SGMS1: variants seen among roughly 807,000 people sequenced by gnomAD.
The protein encoded by SGMS1 is phosphatidylcholine:ceramide cholinephosphotransferase 1.
Under a neutral mutation model 46.2 loss-of-function variants are expected in SGMS1, and 13 were observed. The ratio of observed to expected loss-of-function variants is 0.28; its 90% CI spans 0.18 to 0.45. The LOEUF (loss-of-function observed/expected upper bound fraction) is 0.45. Ranked by LOEUF, SGMS1 falls within the 20% of genes least tolerant of loss-of-function variation. The pLI is 1.00. For synonymous variants in SGMS1, 203 were observed against 187.8 expected, an observed-to-expected ratio of 1.08 and a Z score of -0.66; for missense variants, 324 against 519.9, an observed-to-expected ratio of 0.62 and a Z score of 3.66.
Position 50,516,739 on chromosome 10 carries a change from C to A in SGMS1, c.-498+3092G>T, listed in dbSNP as rs1218987115. 4.6e-5 allele frequency among the ~76,000 whole-genome samples: 7 copies of A among 152,232 alleles called. No individual in the cohort carries two copies. The East Asian group carries it at 1.4e-3, about 29-fold the overall frequency. Reference sequence around the variant, plus strand: ...TTAGAGACAACTGATTTTTAAAAATCATTTGAGCATTCCTAATTCAGGAAT... The same window carrying A: ...TTAGAGACAACTGATTTTTAAAAATAATTTGAGCATTCCTAATTCAGGAAT... On this transcript the variant is annotated intron_variant, in intron 3 of 10. Transcript: ENST00000361781.
At chr10:50,554,807 C>A (rs184020473) in intron 2 of SGMS1, among the ~76,000 whole-genome samples, 48 of 152,330 alleles carry the variant, frequency 3.2e-4, no homozygotes, top group African/African-American at 1.1e-3. Context: ...ACTATGTATT[C>A]TTTTTCTAGA....
At chr10:50,622,919 G>T (rs1838867643) in intron 1 of SGMS1, among the ~76,000 whole-genome samples, 2 of 152,352 alleles carry the variant, frequency 1.3e-5, no homozygotes, top group South Asian at 4.1e-4. Context: ...CCCTTGACAC[G>T]TCGCTGGGGG....
Position 50,552,267 on chromosome 10 carries a change from A to G in SGMS1, c.-588-32346T>C, listed in dbSNP as rs539621956. Among the ~76,000 whole-genome samples, 4 of 152,372 alleles carry G rather than the reference A, an allele frequency of 2.6e-5. No individual in the cohort carries two copies. The South Asian group carries it at 8.3e-4, about 32-fold the overall frequency. On this transcript the variant is annotated intron_variant, in intron 2 of 10. Coordinates refer to ENST00000361781, the MANE Select transcript of SGMS1 (RefSeq NM_147156.4). ...TCCAAGCATGTTTAAGATATTAAGTAACAAAAAGTCAGTTAAAACACACTC... is the reference window on the plus strand; with the variant it reads ...TCCAAGCATGTTTAAGATATTAAGTGACAAAAAGTCAGTTAAAACACACTC...
chr10:50,329,618 T>C (rs1207046598), intron 7 of SGMS1, among the ~76,000 whole-genome samples: 1 of 152,246 alleles, frequency 6.6e-6, no homozygotes, highest in Non-Finnish European at 1.5e-5. Context: ...AAGAATTTCA[T>C]ACACTTAGAA....
At chr10:50,370,678 T>A (rs1848421441) in intron 6 of SGMS1, among the ~76,000 whole-genome samples, 1 of 151,652 alleles carries the variant, frequency 6.6e-6, no homozygotes, top group African/African-American at 2.4e-5. Context: ...GAGGCAACGT[T>A]TGCAGTGAGC....
intron 3 of SGMS1, among the ~76,000 whole-genome samples, chr10:50,478,517 A>G (rs1837448356): frequency 6.6e-6 from 1 of 152,202 alleles, no homozygotes; most frequent in Non-Finnish European, 1.5e-5. Flanking sequence ...CAAAAAAAAT[A>G]GAGCCAAATG....
chr10:50,609,815 G>A (rs192865774), intron 1 of SGMS1, among the ~76,000 whole-genome samples: 2 of 152,102 alleles, frequency 1.3e-5, no homozygotes, highest in African/African-American at 2.4e-5. Flanking sequence ...ACTCTTCAAA[G>A]CTACCCTCTA....
chr10:50,348,830 T>C (rs1847958717), intron 6 of SGMS1, among the ~76,000 whole-genome samples: 2 of 152,192 alleles, frequency 1.3e-5, no homozygotes, highest in African/African-American at 4.8e-5. Context: ...AAATTTCATA[T>C]GGAACCAAAG....
At chr10:50,562,353 T>TGC (rs201882996) in intron 2 of SGMS1, among the ~76,000 whole-genome samples, 24,295 of 114,434 alleles carry the variant, frequency 0.21, 2,543 homozygotes, top group Non-Finnish European at 0.29. Flanking sequence ...TGTGTGTGTG[T>TGC]GTGCGCGCGC....
At chr10:50,311,525 A>C in intron 8 of SGMS1, 110 bp from the exon 9 acceptor site, 1 of 1,003,230 alleles carries the variant, frequency 1.0e-6, no homozygotes, top group Non-Finnish European at 1.3e-6. Flanking sequence ...AGAAACATAA[A>C]ATCCCCACCA....
chr10:50,371,790 T>C (rs1848439715), intron 6 of SGMS1, among the ~76,000 whole-genome samples: 1 of 152,204 alleles, frequency 6.6e-6, no homozygotes, highest in Non-Finnish European at 1.5e-5. Flanking sequence ...CTCAAGGGAC[T>C]GGCATCTAGT....
chr10:50,321,640 A>G (rs527746032), intron 8 of SGMS1, among the ~76,000 whole-genome samples: 113 of 152,366 alleles, frequency 7.4e-4, no homozygotes, highest in African/African-American at 2.5e-3. Flanking sequence ...TCAAGCATTG[A>G]CAATTTAAGT....
intron 5 of SGMS1, among the ~76,000 whole-genome samples, chr10:50,434,153 C>A (rs1171564260): frequency 1.3e-5 from 2 of 152,192 alleles, no homozygotes; most frequent in African/African-American, 4.8e-5. Flanking sequence ...TAAAATATGG[C>A]CAGCAAAGGG....
intron 6 of SGMS1, among the ~76,000 whole-genome samples, chr10:50,387,259 T>TA (rs1247154851): frequency 1.3e-5 from 2 of 152,200 alleles, no homozygotes; most frequent in Non-Finnish European, 2.9e-5. Flanking sequence ...GGCAAAGTTA[T>TA]AAAAGCATTC....
At chr10:50,405,607 A>G (rs533787897) in intron 6 of SGMS1, among the ~76,000 whole-genome samples, 10 of 152,354 alleles carry the variant, frequency 6.6e-5, no homozygotes, top group Admixed American at 3.3e-4. Flanking sequence ...CATGAAAAGC[A>G]GTAAAGAAAC....
At chr10:50,514,752 G>A (rs1837787500) in intron 3 of SGMS1, among the ~76,000 whole-genome samples, 1 of 152,196 alleles carries the variant, frequency 6.6e-6, no homozygotes, top group African/African-American at 2.4e-5. Flanking sequence ...CATATAAACA[G>A]ATTAAGGTAG....
intron 6 of SGMS1, among the ~76,000 whole-genome samples, chr10:50,349,815 C>T (rs1401970303): frequency 6.6e-6 from 1 of 152,230 alleles, no homozygotes; most frequent in East Asian, 1.9e-4. Flanking sequence ...CCATGTGGAG[C>T]TGTAAGTCCA....
At chr10:50,486,672 A>G (rs1837523745) in intron 3 of SGMS1, among the ~76,000 whole-genome samples, 1 of 152,244 alleles carries the variant, frequency 6.6e-6, no homozygotes, top group East Asian at 1.9e-4. Flanking sequence ...GATGCTGGTC[A>G]GACTACAGAG....
At chr10:50,399,597 G>A (rs1269042724) in intron 6 of SGMS1, among the ~76,000 whole-genome samples, 2 of 152,178 alleles carry the variant, frequency 1.3e-5, no homozygotes, top group East Asian at 3.8e-4. Flanking sequence ...GAGGATATAT[G>A]AGAATGTGTA....
Sources: gnomAD v4.1 joint callset for allele counts (sites outside exome capture counted in the v4.1 genomes callset) on GRCh38, gnomAD v4.1.1 for gene constraint, MANE v1.5 for transcripts, NCBI Gene and HGNC (gene_info 2026-07-23, HGNC 2026-07-21) for gene names.